ZNF236: variants seen among roughly 807,000 people sequenced by gnomAD.
ZNF236 encodes the protein zinc finger protein 236, also known as regulated by glucose.
ZNF236 carries 50 observed loss-of-function variants against 191.2 expected under a neutral mutation model. That is an observed-to-expected ratio of 0.26 (90% CI 0.21 to 0.33). The LOEUF is 0.33. Among genes scored for constraint, ZNF236 ranks in the 10% least tolerant of loss-of-function variants. The pLI is 1.00. For synonymous variants in ZNF236, 907 were observed against 928.8 expected (o/e 0.98, Z 0.43); for missense variants, 1,754 against 2,374.5 (o/e 0.74, Z 5.43).
At chr18:76,856,299 C>T (rs1223782094) in intron 3 of ZNF236, among the ~76,000 whole-genome samples, 1 of 152,150 alleles carries the variant, frequency 6.6e-6, no homozygotes, top group Non-Finnish European at 1.5e-5. Context: ...TCTCCTGCCT[C>T]AGCCTCCTGA....
At position 76,969,626 on chromosome 18, in the gene ZNF236, T is replaced by C. The variant is rs1968872112; in HGVS notation, c.*1287T>C. On this transcript the variant is annotated 3_prime_UTR_variant, in exon 31 of 31. Coordinates refer to ENST00000320610, the MANE Select transcript of ZNF236 (RefSeq NM_001306089.2). ...ATATAAAGCTGGGTTTTATTTTTTT[T>C]TCCTGAAAAATAATTGCCTTTATTT... 6.6e-6 allele frequency: 1 copy of C among 152,618 alleles called. No individual in the cohort carries two copies. The highest frequency in any genetic ancestry group is 6.5e-5 in the Admixed American group (1 of 15,282). 9.5% of individuals were successfully genotyped at this position (152,618 alleles called of 1,614,324 possible). A position where few individuals can be genotyped will look rare whatever the true frequency, so the allele number is the denominator to read the frequency against.
chr18:76,910,732 C>G lies in ZNF236; in HGVS notation c.2726C>G (p.Thr909Arg). 1 of 1,614,198 alleles carries G rather than the reference C, an allele frequency of 6.2e-7. No individual in the cohort carries two copies. ...GTCCAACAGCTACAGGATTCCAGCA[C>G]ACTTGAGTCTCAGGCCCTCTCCACA... The part of the protein sequence containing the change: ...PPVQQLQDSS[T>R]LESQALSTSF... Residue 909 changes from threonine to arginine, a missense_variant, in exon 16 of 31, where the codon ACA (threonine) becomes AGA (arginine). Physicochemically the swap from Thr to Arg is moderately conservative, Grantham distance 71. This residue lies in a region of ZNF236 where 641 missense variants were observed against 869.6 expected (regional missense o/e 0.74). Coordinates refer to ENST00000320610, the MANE Select transcript of ZNF236 (RefSeq NM_001306089.2).
chr18:76,928,100 A>G lies in ZNF236; in HGVS notation c.4588A>G (p.Ile1530Val), dbSNP rs773756612. ...SGSPQEITLT[I>V]SELNTTSGSL... is the part of the protein sequence containing the mutation. ...GTCTCCACAGGAAATTACCCTGACT[A>G]TCTCCGGTTAGTAAGTTATAATTTT... The change falls in exon 25 of 31, where the codon ATC becomes GTC. Residue 1530 changes from isoleucine to valine, a missense_variant. Physicochemically the swap from Ile to Val is conservative, Grantham distance 29 (BLOSUM62 3). Coordinates refer to ENST00000320610, the MANE Select transcript of ZNF236 (RefSeq NM_001306089.2). 11 of 1,607,332 alleles carry G rather than the reference A, an allele frequency of 6.8e-6. No individual in the cohort carries two copies. The highest frequency in any genetic ancestry group is 6.7e-5 in the African/African-American group (5 of 74,570).
intron 7 of ZNF236, among the ~76,000 whole-genome samples, chr18:76,879,299 G>A (rs1976805762): frequency 6.6e-6 from 1 of 152,186 alleles, no homozygotes; most frequent in South Asian, 2.1e-4. Context: ...GAACATAGCA[G>A]TTTTTACAGA....
At chr18:76,915,880 C>T (rs947656506) in intron 19 of ZNF236, 21 bp downstream of exon 19, 1 of 1,606,038 alleles carries the variant, frequency 6.2e-7, no homozygotes, top group South Asian at 1.1e-5. Flanking sequence ...TTTGTTGATT[C>T]AAGGTGTATT....
chr18:76,914,823 T>C (rs1216760804), intron 18 of ZNF236, among the ~76,000 whole-genome samples: 1 of 152,238 alleles, frequency 6.6e-6, no homozygotes, highest in Non-Finnish European at 1.5e-5. Flanking sequence ...TATTCTGTTA[T>C]CTGTTACATA....
intron 1 of ZNF236, among the ~76,000 whole-genome samples, chr18:76,847,303 G>T (rs1350407203): frequency 6.6e-6 from 1 of 151,882 alleles, no homozygotes; most frequent in African/African-American, 2.4e-5. Context: ...CAGCCTTTAG[G>T]TTAAAACACT....
chr18:76,857,955 G>A (rs1195940388), intron 3 of ZNF236, among the ~76,000 whole-genome samples: 1 of 152,304 alleles, frequency 6.6e-6, no homozygotes, highest in African/African-American at 2.4e-5. Context: ...TATGGATTCA[G>A]TACACTTTTT....
intron 16 of ZNF236, among the ~76,000 whole-genome samples, chr18:76,911,163 T>G (rs1313969554): frequency 2.6e-5 from 4 of 152,360 alleles, no homozygotes; most frequent in African/African-American, 7.2e-5. Flanking sequence ...TTAAACATGT[T>G]AGAAGGAAAA....
chr18:76,884,890 C>T (rs560163966), intron 9 of ZNF236: 2 of 152,258 alleles, frequency 1.3e-5, no homozygotes, highest in East Asian at 3.9e-4. Flanking sequence ...TAGCCTTTCT[C>T]CTTCTCCGTG....
chr18:76,958,433 C>G (rs1266156581), intron 28 of ZNF236, among the ~76,000 whole-genome samples: 2 of 152,162 alleles, frequency 1.3e-5, no homozygotes, highest in African/African-American at 2.4e-5. Flanking sequence ...GTCAGAGAAA[C>G]AGAAGCCAAG....
At chr18:76,894,346 A>AG (rs549918069) in intron 9 of ZNF236, among the ~76,000 whole-genome samples, 1 of 152,218 alleles carries the variant, frequency 6.6e-6, no homozygotes, top group Non-Finnish European at 1.5e-5. Context: ...ACCACTCAGT[A>AG]GCTGGCTTGG....
At chr18:76,826,907 G>T (rs1255797458) in intron 1 of ZNF236, among the ~76,000 whole-genome samples, 4 of 148,558 alleles carry the variant, frequency 2.7e-5, no homozygotes, top group Admixed American at 6.7e-5. Context: ...TTTTGTTTTT[G>T]TTTTTTTTGA....
In ZNF236 at chr18:76,968,434, A is replaced by G. The variant is rs1310518405; in HGVS notation, c.*95A>G. ...TCTCCGTTTTAAAGCTTCAAGTGTTAAAAATGCTACAATAGTTTTTTATCT... is the reference window on the plus strand; with the variant it reads ...TCTCCGTTTTAAAGCTTCAAGTGTTGAAAATGCTACAATAGTTTTTTATCT... On this transcript the variant is annotated 3_prime_UTR_variant, in exon 31 of 31. Transcript: ENST00000320610. 2 of 1,524,734 alleles carry G rather than the reference A, an allele frequency of 1.3e-6. No individual in the cohort carries two copies. Among genetic ancestry groups the G allele is most frequent in the Non-Finnish European group, 1.7e-6 (2 of 1,150,782 alleles). 94.5% of individuals were successfully genotyped at this position (1,524,734 alleles called of 1,614,324 possible).
At chr18:76,929,852 A>G (rs1374097509) in intron 25 of ZNF236, among the ~76,000 whole-genome samples, 1 of 152,234 alleles carries the variant, frequency 6.6e-6, no homozygotes, top group Non-Finnish European at 1.5e-5. Flanking sequence ...AAGATTTCAT[A>G]GTGTGTTCTT....
chr18:76,875,487 T>G lies in ZNF236; in HGVS notation c.668-5T>G. ...TATATTTTGATCATTTTTCTCCCAC[T>G]CTAGGTGAAAGGCCGTTCAAATGTA... On this transcript the variant is annotated splice_region_variant and splice_polypyrimidine_tract_variant and intron_variant, in intron 5 of 30. Coordinates refer to ENST00000320610, the MANE Select transcript of ZNF236 (RefSeq NM_001306089.2). This position sits in a 1 kb window ranked among gnomAD's most constrained non-coding sequence, Gnocchi z 4.3. The G allele has an allele frequency of 1.3e-6, 2 of 1,509,416 alleles. No homozygotes were observed. Among genetic ancestry groups the G allele is most frequent in the Non-Finnish European group, 1.8e-6 (2 of 1,122,278 alleles). 93.5% of individuals were successfully genotyped at this position (1,509,416 alleles called of 1,614,324 possible). A position where few individuals can be genotyped will look rare whatever the true frequency, so the allele number is the denominator to read the frequency against.
intron 1 of ZNF236, among the ~76,000 whole-genome samples, chr18:76,842,556 A>C (rs1365489225): frequency 1.3e-5 from 2 of 151,936 alleles, no homozygotes; most frequent in Non-Finnish European, 2.9e-5. Flanking sequence ...GTTCGAGACC[A>C]GTGTGACCAA....
In ZNF236 at chr18:76,875,447, C is replaced by T. The variant is rs565951681; in HGVS notation, c.668-45C>T. The T allele has an allele frequency of 9.8e-6, 14 of 1,431,250 alleles. No homozygotes were observed. The South Asian group carries it at 2.1e-4, about 22-fold the overall frequency. 88.7% of individuals were successfully genotyped at this position (1,431,250 alleles called of 1,614,324 possible). On this transcript the variant is annotated intron_variant, in intron 5 of 30. Transcript: ENST00000320610. The surrounding 1 kb of genome is among the most constrained non-coding windows in gnomAD (Gnocchi z 4.3). Reference sequence around the variant, plus strand: ...TGTTCTTTTCAATCCGTAAGATGCCCATACAATATGGAATTATATTTTGAT... The same window carrying T: ...TGTTCTTTTCAATCCGTAAGATGCCTATACAATATGGAATTATATTTTGAT...
At chr18:76,823,271 CTGGGGCGCGCTG>C (rs1310904830) in intron 1 of ZNF236, among the ~76,000 whole-genome samples, 1 of 150,608 alleles carries the variant, frequency 6.6e-6, no homozygotes, top group Non-Finnish European at 1.5e-5. Flanking sequence ...CCAGTGTTAT[CTGGGGCGCGCTG>C]TGGGGCGTGC....
Sources: allele counts gnomAD v4.1 joint callset (sites outside exome capture counted in the v4.1 genomes callset), GRCh38; gene constraint gnomAD v4.1.1; regional missense constraint gnomAD v4.1.1; non-coding constraint Gnocchi (gnomAD v3.1); transcripts MANE v1.5; gene names NCBI Gene and HGNC (gene_info 2026-07-23, HGNC 2026-07-21).